The following FBXL7 variants were observed in gnomAD, a reference collection of about 807,000 sequenced individuals.
The protein encoded by FBXL7 is F-box/LRR-repeat protein 7.
A neutral mutation model predicts 38.3 loss-of-function variants in FBXL7; 12 were observed. The observed-to-expected ratio is 0.31, with a 90% CI of 0.20 to 0.51. The LOEUF (loss-of-function observed/expected upper bound fraction) is 0.51. Ranked by LOEUF, FBXL7 falls within the 20% of genes least tolerant of loss-of-function variation. The pLI is 0.98. For synonymous variants in FBXL7, 297 were observed against 300.9 expected (o/e 0.99, Z 0.13); for missense variants, 567 against 676.4 (o/e 0.84, Z 1.79).
At chr5:15,891,968 C>A (rs894880989) in intron 2 of FBXL7, among the ~76,000 whole-genome samples, 2 of 152,232 alleles carry the variant, frequency 1.3e-5, no homozygotes, top group African/African-American at 4.8e-5. Context: ...CCCAAAGCAC[C>A]AGGCAGGAGG....
intron 2 of FBXL7, among the ~76,000 whole-genome samples, chr5:15,898,796 G>A (rs1025140083): frequency 5.3e-5 from 8 of 152,154 alleles, no homozygotes; most frequent in Non-Finnish European, 7.3e-5. Flanking sequence ...TACCACATGC[G>A]TTTGCAGCGC....
At position 15,829,646 on chromosome 5, in the gene FBXL7, G is replaced by C. The variant is rs1289656190; in HGVS notation, c.128-98244G>C. On this transcript the variant is annotated intron_variant, in intron 2 of 3. Transcript: ENST00000504595. ...CAATTATTTTCATCTTAATAGCATT[G>C]GCTTTCTTTGCTTTAAAATTCACCA... 3.9e-5 allele frequency among the ~76,000 whole-genome samples: 6 copies of C among 152,176 alleles called. No homozygotes were observed. In the South Asian group the frequency reaches 8.3e-4, roughly 21 times the overall value.
chr5:15,923,062 A>G lies in FBXL7; in HGVS notation c.128-4828A>G, dbSNP rs77891267. Among the ~76,000 whole-genome samples the G allele has an allele frequency of 9.6e-3, 1,456 of 152,310 alleles. 17 individuals are homozygous for G. Among genetic ancestry groups the G allele is most frequent in the African/African-American group, 0.032 (1,319 of 41,560 alleles). On this transcript the variant is annotated intron_variant, in intron 2 of 3. Coordinates refer to ENST00000504595, the MANE Select transcript of FBXL7 (RefSeq NM_012304.5). ...AGCACATATAGTCAGTTTGTATTGC[A>G]ATGTCGTAAGACCAGGAGGAGGGTT...
intron 3 of FBXL7, among the ~76,000 whole-genome samples, chr5:15,932,880 A>G (rs1742079427): frequency 6.6e-6 from 1 of 152,052 alleles, no homozygotes. Context: ...TCTACTGTAT[A>G]TCTCTTGTGT....
chr5:15,749,845 G>T (rs934643632), intron 2 of FBXL7, among the ~76,000 whole-genome samples: 1 of 152,112 alleles, frequency 6.6e-6, no homozygotes, highest in Non-Finnish European at 1.5e-5. Flanking sequence ...CCTGGGCCTT[G>T]AAGAGCCCAG....
intron 2 of FBXL7, among the ~76,000 whole-genome samples, chr5:15,695,005 G>C (rs1030748032): frequency 4.6e-5 from 7 of 152,174 alleles, no homozygotes; most frequent in African/African-American, 1.7e-4. Context: ...GAGCATTTAA[G>C]CATAGGCAAC....
intron 1 of FBXL7, among the ~76,000 whole-genome samples, chr5:15,508,891 C>A (rs1736721681): frequency 6.6e-6 from 1 of 152,116 alleles, no homozygotes; most frequent in Non-Finnish European, 1.5e-5. Context: ...AGATAACCTG[C>A]ACCAAAAATT....
At chr5:15,610,167 G>A (rs957143805) in intron 1 of FBXL7, among the ~76,000 whole-genome samples, 5 of 152,178 alleles carry the variant, frequency 3.3e-5, no homozygotes, top group African/African-American at 7.2e-5. Flanking sequence ...CCCAGAACAC[G>A]CGGGAATTTT....
chr5:15,724,906 G>A (rs564464560), intron 2 of FBXL7, among the ~76,000 whole-genome samples: 11 of 152,240 alleles, frequency 7.2e-5, no homozygotes, highest in African/African-American at 2.6e-4. Context: ...AGCGATTACT[G>A]TGTTGAGTAT....
intron 1 of FBXL7, among the ~76,000 whole-genome samples, chr5:15,519,038 C>T (rs1737023888): frequency 6.6e-6 from 1 of 152,108 alleles, no homozygotes; most frequent in South Asian, 2.1e-4. Context: ...AGCCAACCAG[C>T]ATGAGTTAGA....
intron 1 of FBXL7, among the ~76,000 whole-genome samples, chr5:15,597,197 A>ATTGC (rs985372233): frequency 6.6e-6 from 1 of 152,122 alleles, no homozygotes; most frequent in Middle Eastern, 3.2e-3. Flanking sequence ...TGCAGAATTG[A>ATTGC]TTGCTTGCTT....
chr5:15,726,503 G>A (rs145098920), intron 2 of FBXL7, among the ~76,000 whole-genome samples: 7,987 of 151,996 alleles, frequency 0.053, 228 homozygotes, highest in East Asian at 0.079. Flanking sequence ...GACCAGCCTG[G>A]CCAATATGGT....
chr5:15,791,073 G>GC (rs964244028), intron 2 of FBXL7, among the ~76,000 whole-genome samples: 2 of 32,874 alleles, frequency 6.1e-5, no homozygotes, highest in African/African-American at 1.5e-4. Context: ...TGTGTAAAAG[G>GC]GGGGGGGGGG....
chr5:15,682,376 G>C (rs1023343850), intron 2 of FBXL7, among the ~76,000 whole-genome samples: 3 of 152,146 alleles, frequency 2.0e-5, no homozygotes, highest in Admixed American at 6.5e-5. Flanking sequence ...TGGCCTTAGG[G>C]TGTATCCAGG....
rs184916754 is a variant in FBXL7 at position 15,882,003 on chromosome 5, C to G, written c.128-45887C>G. Among the ~76,000 whole-genome samples the G allele has an allele frequency of 9.9e-4, 150 of 152,258 alleles. 1 individual carries two copies. The highest frequency in any genetic ancestry group is 1.9e-3 in the Non-Finnish European group (128 of 68,012). On this transcript the variant is annotated intron_variant, in intron 2 of 3. Transcript: ENST00000504595. The stretch of plus-strand genomic sequence containing the variant: ...GAAGGCAAAGAGGGGACAGGCACTT[C>G]ACATGGCTGGAGCAAGAGGAGGAGT...
intron 1 of FBXL7, among the ~76,000 whole-genome samples, chr5:15,517,239 G>A (rs1166583171): frequency 6.6e-6 from 1 of 152,158 alleles, no homozygotes; most frequent in Non-Finnish European, 1.5e-5. Flanking sequence ...TGTTAGCCAG[G>A]ATGGTCTCGA....
chr5:15,683,060 A>T (rs1469163257), intron 2 of FBXL7, among the ~76,000 whole-genome samples: 1 of 152,154 alleles, frequency 6.6e-6, no homozygotes, highest in Non-Finnish European at 1.5e-5. Context: ...AGAGAGGGAG[A>T]TGAGAGCTGA....
chr5:15,548,535 C>T (rs1191339041), intron 1 of FBXL7, among the ~76,000 whole-genome samples: 1 of 152,160 alleles, frequency 6.6e-6, no homozygotes, highest in Non-Finnish European at 1.5e-5. Context: ...TCAGTCTCCT[C>T]ATCTATAAAA....
Position 15,500,663 on chromosome 5 carries a change from A to C in FBXL7, c.-14A>C, listed in dbSNP as rs745419090. 2.5e-6 allele frequency: 4 copies of C among 1,613,208 alleles called. No homozygotes were observed. The East Asian group carries it at 6.7e-5, about 27-fold the overall frequency. On this transcript the variant is annotated 5_prime_UTR_variant, in exon 1 of 4. It removes an upstream start codon present in the reference 5' UTR. Coordinates refer to ENST00000504595, the MANE Select transcript of FBXL7 (RefSeq NM_012304.5). ...TGGAGTGTCCCGGGAGACGGCGGGC[A>C]TGACGGCTACAGGATGGGCGCGAAC...
Sources: gnomAD v4.1 joint callset for allele counts (sites outside exome capture counted in the v4.1 genomes callset) on GRCh38, gnomAD v4.1.1 for gene constraint, MANE v1.5 for transcripts, NCBI Gene and HGNC (gene_info 2026-07-23, HGNC 2026-07-21) for gene names.